PRKG1: variants seen among roughly 807,000 people sequenced by gnomAD.
PRKG1 encodes the protein protein kinase cGMP-dependent 1.
In PRKG1, 35 loss-of-function variants were observed where a neutral mutation model predicts 88.1. The ratio of observed to expected loss-of-function variants is 0.40; its 90% CI spans 0.30 to 0.53. The LOEUF is 0.53. Ranked by LOEUF, PRKG1 falls within the 20% of genes least tolerant of loss-of-function variation. The probability of loss-of-function intolerance (pLI) is 0.59; values close to 1 mark genes in which losing one functional copy is unlikely to be tolerated. For missense variants in PRKG1, 540 were observed against 839.8 expected (o/e 0.64, Z 4.41); for synonymous variants, 303 against 292.5 (o/e 1.04, Z -0.37).
intron 5 of PRKG1, among the ~76,000 whole-genome samples, chr10:51,966,103 T>C (rs966974587): frequency 1.3e-5 from 2 of 152,184 alleles, no homozygotes; most frequent in East Asian, 3.8e-4. Context: ...TGCATTAATA[T>C]ATGTGAATGT....
rs1374910959 is a variant in PRKG1, at chr10:51,517,048, C to T, written c.592+49212C>T. ...AAAAAATACTGTTTTTTTCTACCCT[C>T]CTAGGTTCTACAGCTAAAGCCCTAT... is the stretch of plus-strand genomic sequence containing the variant. On this transcript the variant is annotated intron_variant, in intron 3 of 17. Transcript: ENST00000373980. 2.6e-5 allele frequency among the ~76,000 whole-genome samples: 4 copies of T among 152,098 alleles called. No homozygotes were observed. The South Asian group carries it at 6.2e-4, about 24-fold the overall frequency.
At chr10:51,263,771 G>T (rs915246251) in intron 2 of PRKG1, among the ~76,000 whole-genome samples, 1 of 152,204 alleles carries the variant, frequency 6.6e-6, no homozygotes, top group Non-Finnish European at 1.5e-5. Context: ...ATAAATGCTA[G>T]TGCTAGTTGA....
intron 8 of PRKG1, among the ~76,000 whole-genome samples, chr10:52,161,311 A>T (rs1411358315): frequency 6.6e-6 from 1 of 151,462 alleles, no homozygotes; most frequent in Non-Finnish European, 1.5e-5. Flanking sequence ...TTGATTTTTC[A>T]CTCTTCCAAA....
chr10:51,448,320 A>T lies in PRKG1; in HGVS notation c.479-19403A>T, dbSNP rs1839334052. Reference sequence around the variant, plus strand: ...AAGTTGACATTCATGTTTTCCCATCAAGTAGGGATTTTTGTTTATTCTGTG... The same window carrying T: ...AAGTTGACATTCATGTTTTCCCATCTAGTAGGGATTTTTGTTTATTCTGTG... On this transcript the variant is annotated intron_variant, in intron 2 of 17. Coordinates refer to ENST00000373980, the MANE Select transcript of PRKG1 (RefSeq NM_006258.4). Among the ~76,000 whole-genome samples, 2 of 152,014 alleles carry T rather than the reference A, an allele frequency of 1.3e-5. 1 individual carries two copies. The highest frequency in any genetic ancestry group is 4.1e-4 in the South Asian group (2 of 4,830).
intron 1 of PRKG1, among the ~76,000 whole-genome samples, chr10:51,128,016 T>C (rs975409230): frequency 6.6e-6 from 1 of 152,102 alleles, no homozygotes; most frequent in Non-Finnish European, 1.5e-5. Context: ...CATGCAGGGC[T>C]TAAAACCTAG....
At chr10:52,277,205 G>A (rs1457373541) in intron 12 of PRKG1, among the ~76,000 whole-genome samples, 1 of 152,056 alleles carries the variant, frequency 6.6e-6, no homozygotes, top group African/African-American at 2.4e-5. Flanking sequence ...CAATAAAAGG[G>A]TAATTTTGGC....
At chr10:51,327,024 G>A (rs941841948) in intron 2 of PRKG1, among the ~76,000 whole-genome samples, 5 of 152,172 alleles carry the variant, frequency 3.3e-5, no homozygotes, top group Non-Finnish European at 7.3e-5. Flanking sequence ...TACTGCATAT[G>A]TGTCTTCTGG....
At chr10:51,874,557 G>A (rs1438505720) in intron 4 of PRKG1, among the ~76,000 whole-genome samples, 1 of 152,062 alleles carries the variant, frequency 6.6e-6, no homozygotes, top group Non-Finnish European at 1.5e-5. Context: ...TTTAAAGCAC[G>A]AATATGCCAA....
chr10:51,922,873 G>A (rs1210892493), intron 5 of PRKG1, among the ~76,000 whole-genome samples: 1 of 151,970 alleles, frequency 6.6e-6, no homozygotes, highest in East Asian at 1.9e-4. Flanking sequence ...TTCTGCTATT[G>A]TTGGATGACA....
chr10:51,794,379 G>A (rs755434261), intron 3 of PRKG1, among the ~76,000 whole-genome samples: 9 of 152,084 alleles, frequency 5.9e-5, no homozygotes, highest in Middle Eastern at 3.2e-3. Flanking sequence ...TTGTACAAAT[G>A]TTCCATCTAA....
intron 3 of PRKG1, among the ~76,000 whole-genome samples, chr10:51,611,800 A>C (rs529911642): frequency 1.2e-4 from 19 of 152,018 alleles, no homozygotes; most frequent in Admixed American, 4.6e-4. Flanking sequence ...AATCATCTTG[A>C]GTTGATTTTT....
intron 3 of PRKG1, among the ~76,000 whole-genome samples, chr10:51,780,462 A>G (rs562002910): frequency 2.0e-5 from 3 of 152,316 alleles, no homozygotes; most frequent in Admixed American, 2.0e-4. Flanking sequence ...AAAGACTTAA[A>G]AACATTCTAA....
chr10:51,738,729 T>C (rs544406446), intron 3 of PRKG1, among the ~76,000 whole-genome samples: 39 of 152,312 alleles, frequency 2.6e-4, no homozygotes, highest in African/African-American at 9.4e-4. Flanking sequence ...ACTCCATTTA[T>C]TGGACTGAGA....
chr10:51,158,750 G>A (rs1490375817), intron 2 of PRKG1, among the ~76,000 whole-genome samples: 4 of 151,848 alleles, frequency 2.6e-5, no homozygotes, highest in Non-Finnish European at 5.9e-5. Flanking sequence ...CATGTACCTT[G>A]GAGGCCTTAT....
At chr10:51,916,199 T>C (rs1292683915) in intron 5 of PRKG1, among the ~76,000 whole-genome samples, 1 of 152,102 alleles carries the variant, frequency 6.6e-6, no homozygotes, top group African/African-American at 2.4e-5. Flanking sequence ...CAGAATAAGA[T>C]AGGAAGTCAG....
At chr10:51,876,827 T>C (rs1841311703) in intron 4 of PRKG1, among the ~76,000 whole-genome samples, 1 of 152,050 alleles carries the variant, frequency 6.6e-6, no homozygotes, top group Admixed American at 6.6e-5. Context: ...CCCAGTTCCC[T>C]TGCACCGGGG....
At chr10:51,490,513 C>T (rs1423500083) in intron 3 of PRKG1, among the ~76,000 whole-genome samples, 1 of 152,094 alleles carries the variant, frequency 6.6e-6, no homozygotes, top group Non-Finnish European at 1.5e-5. Context: ...CAGTACTTTA[C>T]ATGCATTATT....
chr10:51,014,897 A>C (rs1333856083), intron 1 of PRKG1, among the ~76,000 whole-genome samples: 1 of 152,166 alleles, frequency 6.6e-6, no homozygotes, highest in East Asian at 1.9e-4. Flanking sequence ...AAAATAAACA[A>C]AGACTTGGTT....
At chr10:51,230,787 A>G (rs1046156507) in intron 2 of PRKG1, among the ~76,000 whole-genome samples, 7 of 126,962 alleles carry the variant, frequency 5.5e-5, no homozygotes, top group Admixed American at 5.2e-4. Flanking sequence ...TAGTGACTAG[A>G]AAAAAAAAAA....
Sources: allele counts gnomAD v4.1 joint callset (sites outside exome capture counted in the v4.1 genomes callset), GRCh38; gene constraint gnomAD v4.1.1; transcripts MANE v1.5; gene names NCBI Gene and HGNC (gene_info 2026-07-23, HGNC 2026-07-21).